Variants in GIGYF1 observed in about 807,000 individuals in gnomAD.
GIGYF1 encodes the protein GRB10-interacting GYF protein 1.
Under a neutral mutation model 147.1 loss-of-function variants are expected in GIGYF1, and 84 were observed. The observed-to-expected ratio is 0.57, with a 90% CI of 0.48 to 0.68. GIGYF1 has a LOEUF of 0.68. GIGYF1 is among the 30% of genes least tolerant of loss of function. The pLI is 0.00. For missense variants in GIGYF1, 1,485 were observed against 1,393.7 expected (o/e 1.07, Z -1.04); for synonymous variants, 752 against 589.5 (o/e 1.28, Z -3.99).
At chr7:100,692,117 C>T (rs552261651) in intron 1 of GIGYF1, among the ~76,000 whole-genome samples, 1 of 152,360 alleles carries the variant, frequency 6.6e-6, no homozygotes, top group African/African-American at 2.4e-5. Flanking sequence ...CAGCCCCAGG[C>T]CTGCTGGAGG....
intron 19 of GIGYF1, 32 bp downstream of exon 19, chr7:100,683,786 C>A: frequency 6.3e-7 from 1 of 1,576,028 alleles, no homozygotes; most frequent in Non-Finnish European, 8.7e-7. Context: ...CCGGAGACTG[C>A]CTTGGGGGTG....
chr7:100,693,801 A>G (rs932332204), intron 1 of GIGYF1: 115 of 151,526 alleles, frequency 7.6e-4, no homozygotes, highest in African/African-American at 2.6e-3. Context: ...GAGGGGCGCC[A>G]GGTGCGAGGG....
chr7:100,686,528 G>A lies in GIGYF1; in HGVS notation c.695-95C>T. 3.8e-5 allele frequency: 57 copies of A among 1,519,694 alleles called. 1 individual carries two copies. Among genetic ancestry groups the A allele is most frequent in the South Asian group, 7.6e-5 (6 of 79,284 alleles). The allele number at this position is 1,519,694 out of a possible 1,614,324, so 94.1% of individuals were successfully genotyped here. A position where few individuals can be genotyped will look rare whatever the true frequency, so the allele number is the denominator to read the frequency against. ...CTCACGGAGCACCTCCAGGGCTGCTGTCCCGGCCACTCCCACACCAGCCAG... is the reference window on the plus strand; with the variant it reads ...CTCACGGAGCACCTCCAGGGCTGCTATCCCGGCCACTCCCACACCAGCCAG... On this transcript the variant is annotated intron_variant, in intron 10 of 26. Coordinates refer to ENST00000678049, the MANE Select transcript of GIGYF1 (RefSeq NM_001375765.1).
chr7:100,682,551 C>T (rs1274356465), intron 23 of GIGYF1, 39 bp downstream of exon 23: 2 of 1,593,910 alleles, frequency 1.3e-6, no homozygotes, highest in Non-Finnish European at 1.7e-6. Flanking sequence ...CCACCTTCCC[C>T]CTCAGGGCCA....
Position 100,680,179 on chromosome 7 carries a change from A to C in GIGYF1, c.*1540T>G, listed in dbSNP as rs1377241420. 6.6e-6 allele frequency: 1 copy of C among 151,920 alleles called. No homozygotes were observed. Among genetic ancestry groups the C allele is most frequent in the Non-Finnish European group, 1.5e-5 (1 of 67,914 alleles). 9.4% of individuals were successfully genotyped at this position (151,920 alleles called of 1,614,324 possible). On this transcript the variant is annotated 3_prime_UTR_variant, in exon 27 of 27. Transcript: ENST00000678049. The stretch of plus-strand genomic sequence containing the variant: ...CCACTTTGGTGCAAAAAAAAAAAAA[A>C]AAAAAAAAAAATCCAACAACAGAAA...
intron 12 of GIGYF1, 25 bp downstream of exon 12, chr7:100,685,949 G>A: frequency 1.3e-6 from 2 of 1,593,444 alleles, no homozygotes; most frequent in Non-Finnish European, 1.7e-6. Flanking sequence ...CCAGCCCCAG[G>A]CCCGCTGGGC....
chr7:100,686,469 A>ACC (rs1562879844), intron 10 of GIGYF1, 36 bp from the exon 11 acceptor site: 1 of 1,548,914 alleles, frequency 6.5e-7, no homozygotes, highest in Non-Finnish European at 8.7e-7. Context: ...AAGAGTGGGT[A>ACC]CCCAAGCGAA....
rs1326772035 is a variant in GIGYF1 at position 100,682,457 on chromosome 7, G to A, written c.2626C>T (p.Arg876Trp). 5 of 1,612,934 alleles carry A rather than the reference G, an allele frequency of 3.1e-6. No homozygotes were observed. Among genetic ancestry groups the A allele is most frequent in the Non-Finnish European group, 4.2e-6 (5 of 1,179,968 alleles). ...TCCTCCGTCTTTTTGCGAATGGGCCGACCCGATAGGTGGCTGTATGAGTCA... is the reference window on the plus strand; with the variant it reads ...TCCTCCGTCTTTTTGCGAATGGGCCAACCCGATAGGTGGCTGTATGAGTCA... ...LSDSYSHLSG[R>W]PIRKKTEEEE... Residue 876 changes from arginine (R) to tryptophan (W), a missense_variant, in exon 24 of 27, where the codon CGG becomes TGG. Transcript: ENST00000678049.
At position 100,683,872 on chromosome 7, in the gene GIGYF1, CCGA is replaced by C. The variant is rs1805044858; in HGVS notation, c.1912_1914del (p.Ser638del). ...TCCCAGAGGCGGCCCGAATCTGGCA[CCGA>C]CAAGGACCGGCTCATCGTCGGGAGC... On this transcript the variant is annotated inframe_deletion, in exon 19 of 27. Transcript: ENST00000678049. The C allele has an allele frequency of 6.4e-7, 1 of 1,560,018 alleles. No individual in the cohort carries two copies. Among genetic ancestry groups the C allele is most frequent in the African/African-American group, 1.4e-5 (1 of 73,684 alleles).
intron 22 of GIGYF1, 116 bp from the exon 23 acceptor site, chr7:100,682,893 G>A (rs1804923430): frequency 3.1e-6 from 4 of 1,275,184 alleles, no homozygotes; most frequent in South Asian, 1.5e-5. Flanking sequence ...AAGAGCTGTT[G>A]CCATCACAGG....
chr7:100,689,153 G>GC lies in GIGYF1; in HGVS notation c.-697_-696insG, dbSNP rs1411549115. 6.6e-6 allele frequency: 1 copy of GC among 152,332 alleles called. No individual in the cohort carries two copies. The highest frequency in any genetic ancestry group is 1.5e-5 in the Non-Finnish European group (1 of 68,186). 9.4% of individuals were successfully genotyped at this position (152,332 alleles called of 1,614,324 possible). The stretch of plus-strand genomic sequence containing the variant: ...GAGGTGACTCTAGGGCCACAGACGG[G>GC]TACACGACAAGGACTCCAGGCAGGC... On this transcript the variant is annotated 5_prime_UTR_variant, in exon 2 of 27. Transcript: ENST00000678049.
chr7:100,684,154 G>T lies in GIGYF1; in HGVS notation c.1734C>A (p.Arg578=). ...CTCGGAGCGCGCACTGTGGGAGCTG[G>T]CGGCTGCAAATGGGACAGTGGAGAT... ...HQQFLQLVSS[R]QLPQCALREK... The change falls in exon 18 of 27, where the codon CGC becomes CGA. Residue 578 remains arginine, a synonymous_variant. Coordinates refer to ENST00000678049, the MANE Select transcript of GIGYF1 (RefSeq NM_001375765.1). 1 of 1,608,908 alleles carries T rather than the reference G, an allele frequency of 6.2e-7. No homozygotes were observed. The highest frequency in any genetic ancestry group is 8.5e-7 in the Non-Finnish European group (1 of 1,179,576).
At position 100,681,494 on chromosome 7, in the gene GIGYF1, C is replaced by T. The variant is rs1171732254; in HGVS notation, c.*225G>A. 8.5e-6 allele frequency: 3 copies of T among 352,506 alleles called. No individual in the cohort carries two copies. Among genetic ancestry groups the T allele is most frequent in the Admixed American group, 5.7e-5 (1 of 17,438 alleles). 21.8% of individuals were successfully genotyped at this position (352,506 alleles called of 1,614,324 possible). A position where few individuals can be genotyped will look rare whatever the true frequency, so the allele number is the denominator to read the frequency against. On this transcript the variant is annotated 3_prime_UTR_variant, in exon 27 of 27. Coordinates refer to ENST00000678049, the MANE Select transcript of GIGYF1 (RefSeq NM_001375765.1). ...TGCCTCTCCTAATGTTTTCTTCAGT[C>T]GTTTAAAATTAAAAAAAAAAATAAA... is the stretch of plus-strand genomic sequence containing the variant.
rs899601921 is a variant in GIGYF1 at position 100,683,891 on chromosome 7, C to T, written c.1896G>A (p.Thr632=). The change falls in exon 19 of 27, where the codon ACG becomes ACA. Residue 632 remains threonine (T), a synonymous_variant. Transcript: ENST00000678049. ...CTGGCACCGACAAGGACCGGCTCAT[C>T]GTCGGGAGCAGGTTCTGGTCCCCGC... ...PRGGDQNLLP[T]MSRSLSVPDS... The T allele has an allele frequency of 1.3e-6, 2 of 1,555,538 alleles. No homozygotes were observed. The highest frequency in any genetic ancestry group is 1.7e-6 in the Non-Finnish European group (2 of 1,149,198).
In GIGYF1 at chr7:100,681,357, T is replaced by TA. The variant is rs368356220; in HGVS notation, c.*361dup. On this transcript the variant is annotated 3_prime_UTR_variant, in exon 27 of 27. Coordinates refer to ENST00000678049, the MANE Select transcript of GIGYF1 (RefSeq NM_001375765.1). ...TTTTTCATTTTTCATCTTTTTTTCT[T>TA]AAAAAAAAAAAAAAAACCAAAAAAC... 89,251 of 138,224 alleles carry TA rather than the reference T, an allele frequency of 0.65. 28,961 individuals are homozygous for TA. The highest frequency in any genetic ancestry group is 0.84 in the Middle Eastern group (232 of 276). The allele number at this position is 138,224 out of a possible 1,614,324, so 8.6% of individuals were successfully genotyped here.
At chr7:100,693,354 G>C (rs761835467) in intron 1 of GIGYF1, among the ~76,000 whole-genome samples, 3 of 152,094 alleles carry the variant, frequency 2.0e-5, no homozygotes, top group Admixed American at 6.5e-5. Flanking sequence ...CTGCTGCACG[G>C]AGGGGCATGA....
chr7:100,688,709 G>A lies in GIGYF1; in HGVS notation c.-252C>T. 2.8e-6 allele frequency: 1 copy of A among 355,720 alleles called. No individual in the cohort carries two copies. Among genetic ancestry groups the A allele is most frequent in the African/African-American group, 2.1e-5 (1 of 47,012 alleles). The allele number at this position is 355,720 out of a possible 1,614,324, so 22.0% of individuals were successfully genotyped here. A position where few individuals can be genotyped will look rare whatever the true frequency, so the allele number is the denominator to read the frequency against. On this transcript the variant is annotated 5_prime_UTR_variant, in exon 2 of 27. The change creates a premature stop within an existing upstream ORF in the 5' untranslated region. Transcript: ENST00000678049. Reference sequence around the variant, plus strand: ...GAGCCTGGGAGGGACCTTCACATCTGGGAAAGACCCTTAAGGAGAGCAGGG... The same window carrying A: ...GAGCCTGGGAGGGACCTTCACATCTAGGAAAGACCCTTAAGGAGAGCAGGG...
At position 100,685,090 on chromosome 7, in the gene GIGYF1, C is replaced by G. The variant is rs759049480; in HGVS notation, c.1249G>C (p.Gly417Arg). 59 of 1,579,914 alleles carry G rather than the reference C, an allele frequency of 3.7e-5. No individual in the cohort carries two copies. The highest frequency in any genetic ancestry group is 4.9e-5 in the Non-Finnish European group (57 of 1,161,946). ...AAGCCTTCATCATCCTCCAGATCTC[C>G]GGGTGGGCCAGCAGAGGAGCCCACC... Reference protein sequence around the residue: ...PGVGSSAGPPGDLEDDEGLKH... With the variant: ...PGVGSSAGPPRDLEDDEGLKH... Residue 417 changes from glycine to arginine, a missense_variant, in exon 14 of 27, where the codon GGA becomes CGA. By Grantham distance (125) the Gly-to-Arg change is moderately radical (BLOSUM62 -2). Coordinates refer to ENST00000678049, the MANE Select transcript of GIGYF1 (RefSeq NM_001375765.1).
Position 100,685,517 on chromosome 7 carries a change from G to A in GIGYF1, c.1055-36C>T, listed in dbSNP as rs372259247. On this transcript the variant is annotated intron_variant, in intron 12 of 26. Coordinates refer to ENST00000678049, the MANE Select transcript of GIGYF1 (RefSeq NM_001375765.1). ...GAGATGGCCAGAGTTCAGAACCAAG[G>A]GCTGGGCCTGCCACGCGAGTTAGCA... 3.2e-5 allele frequency: 50 copies of A among 1,584,106 alleles called. No individual in the cohort carries two copies. The African/African-American group carries it at 6.5e-4, about 20-fold the overall frequency.
Sources: gnomAD v4.1 joint callset for allele counts (sites outside exome capture counted in the v4.1 genomes callset) on GRCh38, gnomAD v4.1.1 for gene constraint, MANE v1.5 for transcripts, NCBI Gene and HGNC (gene_info 2026-07-23, HGNC 2026-07-21) for gene names.